The following MBNL1 variants were observed in gnomAD, a reference collection of about 807,000 sequenced individuals.
MBNL1 encodes the protein muscleblind-like protein 1.
A neutral mutation model predicts 42.2 loss-of-function variants in MBNL1; 8 were observed. The ratio of observed to expected loss-of-function variants is 0.19; its 90% CI spans 0.11 to 0.34. The LOEUF is 0.34. Among genes scored for constraint, MBNL1 ranks in the 10% least tolerant of loss-of-function variants. The pLI is 1.00. For synonymous variants in MBNL1, 169 were observed against 173.9 expected, an observed-to-expected ratio of 0.97 and a Z score of 0.22; for missense variants, 309 against 495.3, an observed-to-expected ratio of 0.62 and a Z score of 3.57.
At chr3:152,436,570 G>A (rs2153796915) in intron 4 of MBNL1, among the ~76,000 whole-genome samples, 1 of 152,284 alleles carries the variant, frequency 6.6e-6, no homozygotes, top group East Asian at 1.9e-4. Context: ...ATGCATAATT[G>A]TTGATTGATT....
intron 1 of MBNL1, among the ~76,000 whole-genome samples, chr3:152,281,415 G>A (rs1215266173): frequency 1.3e-5 from 2 of 152,094 alleles, no homozygotes; most frequent in Non-Finnish European, 2.9e-5. Flanking sequence ...AAGATAAGAT[G>A]TGGAAGAGGT....
At chr3:152,358,873 G>T (rs918718610) in intron 2 of MBNL1, among the ~76,000 whole-genome samples, 3 of 152,116 alleles carry the variant, frequency 2.0e-5, no homozygotes, top group African/African-American at 7.2e-5. Context: ...GCCTCCCAAA[G>T]TGCGGGAATT....
intron 6 of MBNL1, among the ~76,000 whole-genome samples, chr3:152,452,795 C>A (rs1725983362): frequency 6.6e-6 from 1 of 152,144 alleles, no homozygotes. Context: ...TAGCATATCT[C>A]CCTCAATCAG....
At chr3:152,293,268 A>G (rs1371110517) in intron 1 of MBNL1, among the ~76,000 whole-genome samples, 2 of 152,052 alleles carry the variant, frequency 1.3e-5, no homozygotes, top group African/African-American at 2.4e-5. Flanking sequence ...TGCTATGTGG[A>G]GTTGAATAGT....
At chr3:152,245,151 T>C (rs1361070046) in intron 2 of MBNL1, among the ~76,000 whole-genome samples, 1 of 152,120 alleles carries the variant, frequency 6.6e-6, no homozygotes, top group Non-Finnish European at 1.5e-5. Flanking sequence ...GAAATCAAAC[T>C]AAACTGAAAC....
chr3:152,348,202 C>A (rs2094517156), intron 2 of MBNL1, among the ~76,000 whole-genome samples: 1 of 152,016 alleles, frequency 6.6e-6, no homozygotes. Flanking sequence ...GCATCTGTCC[C>A]TTATGGAGAA....
At chr3:152,388,812 A>G (rs2097553326) in intron 2 of MBNL1, among the ~76,000 whole-genome samples, 2 of 152,332 alleles carry the variant, frequency 1.3e-5, no homozygotes, top group South Asian at 4.1e-4. Context: ...CATTATTTAC[A>G]CAGGTATTCA....
chr3:152,460,631 A>C (rs1308422368), intron 9 of MBNL1, among the ~76,000 whole-genome samples: 11 of 152,104 alleles, frequency 7.2e-5, no homozygotes, highest in Non-Finnish European at 1.6e-4. Context: ...AACAAAAAAA[A>C]AAACCACTGT....
At chr3:152,377,851 T>C (rs1046686004) in intron 2 of MBNL1, among the ~76,000 whole-genome samples, 1 of 152,196 alleles carries the variant, frequency 6.6e-6, no homozygotes, top group Non-Finnish European at 1.5e-5. Context: ...CTTACTGTCT[T>C]CCGTGGATTC....
At chr3:152,458,080 C>T (rs769304911) in intron 8 of MBNL1, 6 of 1,488,734 alleles carry the variant, frequency 4.0e-6, no homozygotes, top group Non-Finnish European at 4.7e-6. Flanking sequence ...TTATAGCTGG[C>T]CCTTCATCTG....
intron 3 of MBNL1, among the ~76,000 whole-genome samples, chr3:152,428,286 G>A (rs1446180196): frequency 2.0e-5 from 3 of 152,134 alleles, no homozygotes; most frequent in Admixed American, 1.3e-4. Context: ...TAAACGCAGC[G>A]TATACATAAC....
intron 4 of MBNL1, among the ~76,000 whole-genome samples, chr3:152,436,952 C>G (rs1190651451): frequency 6.6e-6 from 1 of 152,176 alleles, no homozygotes; most frequent in East Asian, 1.9e-4. Context: ...CAGTTACAAC[C>G]TGTTAGGATA....
intron 2 of MBNL1, among the ~76,000 whole-genome samples, chr3:152,305,154 G>T (rs1459430204): frequency 2.0e-5 from 3 of 152,142 alleles, no homozygotes; most frequent in Non-Finnish European, 4.4e-5. Context: ...AAATTCCACG[G>T]AGTACCCTTG....
At chr3:152,367,089 C>T (rs2096421451) in intron 2 of MBNL1, among the ~76,000 whole-genome samples, 2 of 152,060 alleles carry the variant, frequency 1.3e-5, no homozygotes, top group Middle Eastern at 3.4e-3. Flanking sequence ...GCAGAATGTG[C>T]AGGTTTGTTA....
At chr3:152,439,882 G>A (rs1259796773) in intron 4 of MBNL1, among the ~76,000 whole-genome samples, 1 of 152,036 alleles carries the variant, frequency 6.6e-6, no homozygotes, top group African/African-American at 2.4e-5. Flanking sequence ...TAACATAAAT[G>A]AAATAAGGTA....
At chr3:152,287,634 A>T (rs952348370) in intron 1 of MBNL1, among the ~76,000 whole-genome samples, 1 of 152,244 alleles carries the variant, frequency 6.6e-6, no homozygotes, top group African/African-American at 2.4e-5. Context: ...TCACTGATTC[A>T]GATAATCCAA....
intron 2 of MBNL1, among the ~76,000 whole-genome samples, chr3:152,325,230 TCTC>T (rs1371677208): frequency 6.6e-6 from 1 of 151,980 alleles, no homozygotes; most frequent in Non-Finnish European, 1.5e-5. Flanking sequence ...CTAGAAAGCT[TCTC>T]CTCACTCTAG....
chr3:152,385,293 A>G (rs1489443023), intron 2 of MBNL1, among the ~76,000 whole-genome samples: 1 of 152,064 alleles, frequency 6.6e-6, no homozygotes, highest in Non-Finnish European at 1.5e-5. Flanking sequence ...TACTTCTTTA[A>G]TCCTCTCTGA....
intron 2 of MBNL1, among the ~76,000 whole-genome samples, chr3:152,333,906 T>G (rs1167076564): frequency 6.6e-6 from 1 of 152,222 alleles, no homozygotes; most frequent in Non-Finnish European, 1.5e-5. Context: ...CTGTATAATC[T>G]TCATTCAAAT....
Sources: gnomAD v4.1 joint callset for allele counts (sites outside exome capture counted in the v4.1 genomes callset) on GRCh38, gnomAD v4.1.1 for gene constraint, MANE v1.5 for transcripts, NCBI Gene and HGNC (gene_info 2026-07-23, HGNC 2026-07-21) for gene names.